SHANK2: variants seen among roughly 807,000 people sequenced by gnomAD.
SHANK2 encodes the protein SH3 and multiple ankyrin repeat domains 2.
A neutral mutation model predicts 133.7 loss-of-function variants in SHANK2; 43 were observed. That is an observed-to-expected ratio of 0.32 (90% CI 0.25 to 0.41). The LOEUF (loss-of-function observed/expected upper bound fraction) is 0.41. Among genes scored for constraint, SHANK2 ranks in the 10% least tolerant of loss-of-function variants. The probability of loss-of-function intolerance (pLI) is 1.00; values close to 1 mark genes in which losing one functional copy is unlikely to be tolerated. For missense variants in SHANK2, 1,994 were observed against 2,235.8 expected (o/e 0.89, Z 2.18); for synonymous variants, 1,017 against 952.8 (o/e 1.07, Z -1.24).
chr11:70,756,262 G>A (rs1555038892), intron 14 of SHANK2, among the ~76,000 whole-genome samples: 4 of 152,122 alleles, frequency 2.6e-5, no homozygotes, highest in African/African-American at 9.7e-5. Flanking sequence ...AGGCTCTGAT[G>A]GGAAAGATCC....
At chr11:70,723,423 C>T (rs782176059) in intron 14 of SHANK2, among the ~76,000 whole-genome samples, 6 of 152,078 alleles carry the variant, frequency 3.9e-5, no homozygotes, top group Admixed American at 2.0e-4. Context: ...CTCCAGCCCC[C>T]AGCCAGCAAT....
In SHANK2 at chr11:71,175,556, GAGAGAGAGAGA is replaced by G. The variant is rs782026356; in HGVS notation, c.-12-28229_-12-28219del. Among the ~76,000 whole-genome samples the G allele has an allele frequency of 0.036, 2,082 of 58,550 alleles. 33 individuals carry two copies. Among genetic ancestry groups the G allele is most frequent in the Middle Eastern group, 0.085 (9 of 106 alleles). 38.4% of individuals were successfully genotyped at this position (58,550 alleles called of 152,430 possible). ...AGACAGAGGGAGAGGGAGAGGGAGA[GAGAGAGAGAGA>G]GAGAGAGAGAGAGAGAGAGAGAGAG... On this transcript the variant is annotated intron_variant, in intron 2 of 25. Coordinates refer to ENST00000601538, the MANE Select transcript of SHANK2 (RefSeq NM_012309.5). This position sits in a 1 kb window ranked among gnomAD's most constrained non-coding sequence, Gnocchi z 4.2.
At chr11:70,512,842 C>T (rs1167118709) in intron 17 of SHANK2, among the ~76,000 whole-genome samples, 1 of 152,128 alleles carries the variant, frequency 6.6e-6, no homozygotes, top group Non-Finnish European at 1.5e-5. Context: ...GTATCTTCTC[C>T]CCAAATAGAG....
At chr11:70,937,858 C>A (rs1355289800) in intron 10 of SHANK2, among the ~76,000 whole-genome samples, 1 of 151,956 alleles carries the variant, frequency 6.6e-6, no homozygotes, top group South Asian at 2.1e-4. Context: ...TCACAAAAAC[C>A]TAGTGCAGGG....
chr11:71,155,245 CGGA>C (rs1952882656), intron 2 of SHANK2, among the ~76,000 whole-genome samples: 1 of 130,604 alleles, frequency 7.7e-6, no homozygotes, highest in Admixed American at 7.8e-5. Flanking sequence ...CCCACGCTCC[CGGA>C]GGAGGAGTGG....
intron 14 of SHANK2, among the ~76,000 whole-genome samples, chr11:70,783,307 C>T (rs1410294778): frequency 1.3e-5 from 2 of 152,116 alleles, no homozygotes; most frequent in Non-Finnish European, 2.9e-5. Context: ...CCACGGTCAC[C>T]CCTGGGGTAT....
At chr11:70,793,091 GA>G (rs1181122026) in intron 14 of SHANK2, among the ~76,000 whole-genome samples, 1 of 152,016 alleles carries the variant, frequency 6.6e-6, no homozygotes, top group Non-Finnish European at 1.5e-5. Flanking sequence ...TAACGTGGAA[GA>G]AAAAAAGAAT....
intron 10 of SHANK2, among the ~76,000 whole-genome samples, chr11:70,902,703 C>T (rs1950041033): frequency 6.6e-6 from 1 of 152,218 alleles, no homozygotes; most frequent in African/African-American, 2.4e-5. Context: ...CCTCAGTGCC[C>T]TAAACTGGGT....
chr11:70,874,394 G>T (rs1949523182), intron 11 of SHANK2, among the ~76,000 whole-genome samples: 1 of 152,058 alleles, frequency 6.6e-6, no homozygotes, highest in East Asian at 1.9e-4. Context: ...ACACACTGGA[G>T]TGCACTGGCC....
chr11:70,946,765 C>G (rs1221395859), intron 10 of SHANK2, among the ~76,000 whole-genome samples: 2 of 145,642 alleles, frequency 1.4e-5, no homozygotes, highest in African/African-American at 2.5e-5. Context: ...CTAACCAACC[C>G]TTCCCAGGCT....
chr11:70,666,053 G>C (rs144033161), intron 15 of SHANK2, among the ~76,000 whole-genome samples: 6 of 152,290 alleles, frequency 3.9e-5, no homozygotes, highest in Admixed American at 2.6e-4. Flanking sequence ...CTCAAGTCAG[G>C]AGCAGAGCAG....
At chr11:70,910,978 G>A in intron 10 of SHANK2, 1 of 457,006 alleles carries the variant, frequency 2.2e-6, no homozygotes, top group South Asian at 1.5e-5. Context: ...AAGCCATGAT[G>A]ATGCATCCCT....
chr11:70,906,829 T>C (rs1024936773), intron 10 of SHANK2, among the ~76,000 whole-genome samples: 3 of 151,664 alleles, frequency 2.0e-5, no homozygotes, highest in Admixed American at 1.3e-4. Flanking sequence ...GGTCGCCGAG[T>C]TCCCCTGCAA....
intron 8 of SHANK2, among the ~76,000 whole-genome samples, chr11:71,085,671 T>TTATATAATA (rs1383368503): frequency 0.028 from 519 of 18,692 alleles, 7 homozygotes; most frequent in African/African-American, 0.05. Context: ...ATTATATATG[T>TTATATAATA]TATATATATA....
chr11:70,691,969 C>G (rs1267964072), intron 15 of SHANK2, among the ~76,000 whole-genome samples: 1 of 151,900 alleles, frequency 6.6e-6, no homozygotes, highest in Non-Finnish European at 1.5e-5. Flanking sequence ...AATCTCTTGC[C>G]CTGCCCCAAA....
At chr11:71,249,436 G>C (rs540197039) in intron 1 of SHANK2, among the ~76,000 whole-genome samples, 2 of 152,140 alleles carry the variant, frequency 1.3e-5, no homozygotes, top group African/African-American at 2.4e-5. Context: ...GAGGCTGTGC[G>C]CGTCCATTTC....
intron 2 of SHANK2, among the ~76,000 whole-genome samples, chr11:71,195,242 AT>A (rs1953877655): frequency 6.6e-6 from 1 of 152,152 alleles, no homozygotes; most frequent in Non-Finnish European, 1.5e-5. Flanking sequence ...AATACAAAAA[AT>A]TAGCCAGGCG....
intron 2 of SHANK2, among the ~76,000 whole-genome samples, chr11:71,181,530 A>G (rs1028043426): frequency 3.9e-5 from 6 of 152,166 alleles, no homozygotes; most frequent in Non-Finnish European, 5.9e-5. Context: ...CAGAAGAATG[A>G]AGCCAAGGTC....
Position 70,527,274 on chromosome 11 carries a change from G to C in SHANK2, c.2062-24343C>G, listed in dbSNP as rs181935527. ...TCCTGTAGTTAAAGCCTCCTGGGGA[G>C]GGTGTGGTGCCGGCCTGGCTGTGGA... is the stretch of plus-strand genomic sequence containing the variant. On this transcript the variant is annotated intron_variant, in intron 17 of 25. Transcript: ENST00000601538. Among the ~76,000 whole-genome samples the C allele has an allele frequency of 4.6e-5, 7 of 152,354 alleles. No individual in the cohort carries two copies. In the South Asian group the frequency reaches 1.4e-3, roughly 32 times the overall value.
Sources: gnomAD v4.1 joint callset for allele counts (sites outside exome capture counted in the v4.1 genomes callset) on GRCh38, gnomAD v4.1.1 for gene constraint, Gnocchi (gnomAD v3.1) non-coding constraint, MANE v1.5 for transcripts, NCBI Gene and HGNC (gene_info 2026-07-23, HGNC 2026-07-21) for gene names.